Variants in SLC38A6 observed in about 807,000 individuals in gnomAD.
SLC38A6 encodes the protein N system amino acid transporter NAT-1.
SLC38A6 carries 73 observed loss-of-function variants against 65.0 expected under a neutral mutation model. The observed-to-expected ratio is 1.12, with a 90% CI of 0.93 to 1.37. SLC38A6 has a LOEUF of 1.37. SLC38A6 is among the 40% of genes most tolerant of loss of function. The pLI, the probability that SLC38A6 is intolerant of heterozygous loss-of-function variation, is 0.00. For synonymous variants in SLC38A6, 183 were observed against 178.8 expected, an observed-to-expected ratio of 1.02 and a Z score of -0.19; for missense variants, 561 against 531.1, an observed-to-expected ratio of 1.06 and a Z score of -0.55.
intron 3 of SLC38A6, 63 bp from the exon 4 acceptor site, chr14:61,015,841 T>C: frequency 1.4e-5 from 19 of 1,344,928 alleles, no homozygotes; most frequent in Non-Finnish European, 2.0e-5. Flanking sequence ...CCTGCTCTTC[T>C]CTTTAGGACC....
intron 3 of SLC38A6, among the ~76,000 whole-genome samples, chr14:61,005,188 T>A (rs570219657): frequency 4.1e-4 from 62 of 152,120 alleles, no homozygotes; most frequent in African/African-American, 1.4e-3. Context: ...ATCTCCAAAT[T>A]AGAAGAGCTA....
chr14:61,005,773 A>T (rs953315032), intron 3 of SLC38A6, among the ~76,000 whole-genome samples: 1 of 152,224 alleles, frequency 6.6e-6, no homozygotes, highest in Non-Finnish European at 1.5e-5. Context: ...TAATTTATAG[A>T]TTCAATGCCA....
At chr14:61,006,272 G>A (rs2039108581) in intron 3 of SLC38A6, among the ~76,000 whole-genome samples, 1 of 150,524 alleles carries the variant, frequency 6.6e-6, no homozygotes, top group Non-Finnish European at 1.5e-5. Flanking sequence ...GCATGGGCAA[G>A]GACTTCGTGT....
At chr14:61,009,191 A>T (rs969216868) in intron 3 of SLC38A6, among the ~76,000 whole-genome samples, 2 of 152,304 alleles carry the variant, frequency 1.3e-5, no homozygotes, top group South Asian at 4.1e-4. Context: ...CATTTAAGCA[A>T]TTTAAAATCT....
At chr14:61,004,865 C>T (rs1018949140) in intron 3 of SLC38A6, among the ~76,000 whole-genome samples, 22 of 152,036 alleles carry the variant, frequency 1.4e-4, no homozygotes, top group Admixed American at 1.2e-3. Flanking sequence ...GATACCAAAG[C>T]CAGGCAGAGA....
intron 13 of SLC38A6, 73 bp from the exon 14 acceptor site, chr14:61,051,712 GTA>G: frequency 1.3e-6 from 2 of 1,532,234 alleles, no homozygotes; most frequent in Non-Finnish European, 1.8e-6. Flanking sequence ...CATGGTTGTT[GTA>G]TATGTTTCTC....
intron 8 of SLC38A6, among the ~76,000 whole-genome samples, chr14:61,039,859 ATTATT>A (rs945568246): frequency 3.3e-5 from 5 of 151,922 alleles, no homozygotes; most frequent in African/African-American, 1.2e-4. Flanking sequence ...TTCAGGAACT[ATTATT>A]TTCTTATATT....
chr14:61,043,578 C>T, intron 10 of SLC38A6, 75 bp downstream of exon 10: 1 of 1,067,372 alleles, frequency 9.4e-7, no homozygotes. Context: ...GTAACAGGGT[C>T]TCTTAGGTCT....
At chr14:61,009,100 T>A (rs1430005905) in intron 3 of SLC38A6, among the ~76,000 whole-genome samples, 1 of 152,216 alleles carries the variant, frequency 6.6e-6, no homozygotes, top group African/African-American at 2.4e-5. Context: ...GGTTACTTCT[T>A]TAAATTTAGT....
intron 15 of SLC38A6, among the ~76,000 whole-genome samples, chr14:61,060,954 G>C (rs2042814002): frequency 6.6e-6 from 1 of 150,756 alleles, no homozygotes; most frequent in South Asian, 2.1e-4. Context: ...CTTCCCAGGT[G>C]AGGCAATGCC....
At chr14:61,046,188 T>C in intron 12 of SLC38A6, 21 bp downstream of exon 12, 1 of 1,464,718 alleles carries the variant, frequency 6.8e-7, no homozygotes, top group Non-Finnish European at 9.5e-7. Context: ...TTTAAAATTA[T>C]AGATGACAAA....
intron 15 of SLC38A6, among the ~76,000 whole-genome samples, chr14:61,070,810 A>G (rs896261002): frequency 1.7e-4 from 26 of 152,138 alleles, no homozygotes; most frequent in Non-Finnish European, 2.8e-4. Flanking sequence ...ATAAGTAGTG[A>G]TGTTGAGCAT....
In SLC38A6 at chr14:61,043,501, G is replaced by T. The variant is rs749282797; in HGVS notation, c.742G>T (p.Glu248Ter). The part of the protein sequence containing the change: ...CKPKLFHFSK[E>*]SAYALPTMAF... ...GCCAAAGCTCTTTCATTTCTCCAAAGAGGTGTGTAAGTTATTAACAGATAC... is the reference window on the plus strand; with the variant it reads ...GCCAAAGCTCTTTCATTTCTCCAAATAGGTGTGTAAGTTATTAACAGATAC... Residue 248 changes from glutamate to a stop codon, truncating the protein, a stop_gained and splice_region_variant, in exon 10 of 16, where the codon GAG becomes TAG. Transcript: ENST00000267488. LOFTEE classifies it high-confidence loss of function. The T allele has an allele frequency of 1.9e-6, 3 of 1,604,600 alleles. No homozygotes were observed. The South Asian group carries it at 3.3e-5, about 18-fold the overall frequency.
At chr14:61,019,399 A>G (rs959016293) in intron 4 of SLC38A6, 142 bp from the exon 5 acceptor site, 2 of 639,836 alleles carry the variant, frequency 3.1e-6, no homozygotes, top group East Asian at 2.8e-5. Flanking sequence ...ATGTATTTCA[A>G]ATGACTGGCA....
chr14:61,011,130 C>A (rs1595062976), intron 3 of SLC38A6, among the ~76,000 whole-genome samples: 1 of 152,194 alleles, frequency 6.6e-6, no homozygotes. Flanking sequence ...GTATTTTATT[C>A]TCTTTGAAGC....
intron 3 of SLC38A6, among the ~76,000 whole-genome samples, chr14:61,007,263 T>G (rs1308642445): frequency 6.6e-6 from 1 of 152,014 alleles, no homozygotes; most frequent in Non-Finnish European, 1.5e-5. Flanking sequence ...GCGTGGCACA[T>G]GTATACATAT....
At chr14:60,996,102 G>T (rs1466967225) in intron 3 of SLC38A6, among the ~76,000 whole-genome samples, 1 of 152,196 alleles carries the variant, frequency 6.6e-6, no homozygotes, top group African/African-American at 2.4e-5. Flanking sequence ...GATGTTGATT[G>T]TAGGGGAAGC....
chr14:60,981,794 A>G (rs1277510073), intron 1 of SLC38A6: 2 of 1,091,394 alleles, frequency 1.8e-6, no homozygotes, highest in Non-Finnish European at 2.5e-6. Context: ...GAGGGAAAAT[A>G]ATAAACATTT....
chr14:60,987,572 A>G (rs73311493), intron 3 of SLC38A6: 153 of 152,402 alleles, frequency 1.0e-3, no homozygotes, highest in African/African-American at 3.6e-3. Context: ...GTGAAATAAA[A>G]TAATGTATAT....
Sources: allele counts gnomAD v4.1 joint callset (sites outside exome capture counted in the v4.1 genomes callset), GRCh38; gene constraint gnomAD v4.1.1; transcripts MANE v1.5; gene names NCBI Gene and HGNC (gene_info 2026-07-23, HGNC 2026-07-21).